ZFHX3: variants seen among roughly 807,000 people sequenced by gnomAD.
ZFHX3 encodes the protein zinc finger homeobox protein 3.
In ZFHX3, 42 loss-of-function variants were observed where a neutral mutation model predicts 279.1. That is an observed-to-expected ratio of 0.15 (90% CI 0.12 to 0.19). The LOEUF (loss-of-function observed/expected upper bound fraction) is 0.19. Among genes scored for constraint, ZFHX3 ranks in the 10% least tolerant of loss-of-function variants. The pLI is 1.00. For synonymous variants in ZFHX3, 2,293 were observed against 1,957.8 expected (o/e 1.17, Z -4.52); for missense variants, 4,981 against 4,754.0 (o/e 1.05, Z -1.40).
intron 4 of ZFHX3, among the ~76,000 whole-genome samples, chr16:73,279,462 C>A (rs981114882): frequency 6.6e-6 from 1 of 151,686 alleles, no homozygotes; most frequent in Non-Finnish European, 1.5e-5. Context: ...GGGAACATTG[C>A]ATTTTTTATA....
At chr16:73,547,571 C>T (rs1190839274) in intron 2 of ZFHX3, among the ~76,000 whole-genome samples, 1 of 152,010 alleles carries the variant, frequency 6.6e-6, no homozygotes, top group East Asian at 1.9e-4. Context: ...GGGGGTTTGT[C>T]AAGAGGGGAG....
At chr16:73,803,019 T>G in intron 1 of ZFHX3, among the ~76,000 whole-genome samples, 1 of 152,182 alleles carries the variant, frequency 6.6e-6, no homozygotes, top group East Asian at 1.9e-4. Context: ...CAGGCTGGTC[T>G]TGAACTCCTG....
At chr16:73,501,479 T>A (rs559859691) in intron 2 of ZFHX3, among the ~76,000 whole-genome samples, 1 of 152,342 alleles carries the variant, frequency 6.6e-6, no homozygotes, top group African/African-American at 2.4e-5. Flanking sequence ...TTTTAACCAG[T>A]AGCCTCCCTC....
At chr16:72,962,149 G>A (rs373874616) in intron 1 of ZFHX3, among the ~76,000 whole-genome samples, 13 of 152,310 alleles carry the variant, frequency 8.5e-5, no homozygotes, top group African/African-American at 2.9e-4. Flanking sequence ...ATGCGGGAAG[G>A]GGGGGCCACG....
chr16:72,842,199 CTTGT>C (rs2037359840), intron 4 of ZFHX3, among the ~76,000 whole-genome samples: 1 of 151,780 alleles, frequency 6.6e-6, no homozygotes, highest in Non-Finnish European at 1.5e-5. Context: ...AAGTGAGCAA[CTTGT>C]TTTTTTGTTT....
intron 1 of ZFHX3, among the ~76,000 whole-genome samples, chr16:73,889,284 T>C (rs1462230246): frequency 2.6e-5 from 4 of 152,214 alleles, no homozygotes; most frequent in East Asian, 3.9e-4. Context: ...AACTTTCCAC[T>C]GACTGTCTCG....
intron 4 of ZFHX3, among the ~76,000 whole-genome samples, chr16:72,865,345 C>A (rs1213091322): frequency 6.6e-6 from 1 of 152,172 alleles, no homozygotes; most frequent in Admixed American, 6.5e-5. Context: ...CCAGCAGAAC[C>A]CTCAATATAC....
chr16:73,462,042 T>C (rs76496363), intron 2 of ZFHX3, among the ~76,000 whole-genome samples: 2,009 of 152,332 alleles, frequency 0.013, 37 homozygotes, highest in African/African-American at 0.046. Context: ...ATTTATTTCA[T>C]CAGCACTTTG....
chr16:73,055,692 G>GCACACACACACACACA (rs1232763125), intron 1 of ZFHX3, among the ~76,000 whole-genome samples: 25 of 95,308 alleles, frequency 2.6e-4, no homozygotes, highest in African/African-American at 8.0e-4. Flanking sequence ...GCGCGCGCGC[G>GCACACACACACACACA]CGCGCGCACA....
chr16:72,965,633 A>ACAC (rs1961799803), intron 1 of ZFHX3, among the ~76,000 whole-genome samples: 1 of 152,234 alleles, frequency 6.6e-6, no homozygotes, highest in Non-Finnish European at 1.5e-5. Flanking sequence ...AAGAGAGACC[A>ACAC]CACACAAATA....
At chr16:73,340,766 A>T (rs889060465) in intron 3 of ZFHX3, among the ~76,000 whole-genome samples, 23 of 152,220 alleles carry the variant, frequency 1.5e-4, no homozygotes, top group Admixed American at 1.1e-3. Context: ...ACCACAAAAA[A>T]GACTGTCTTC....
intron 2 of ZFHX3, among the ~76,000 whole-genome samples, chr16:73,574,660 C>T (rs2051781322): frequency 6.6e-6 from 1 of 152,158 alleles, no homozygotes; most frequent in Non-Finnish European, 1.5e-5. Flanking sequence ...CCTGTCATCC[C>T]TCTGCATGGA....
intron 5 of ZFHX3, among the ~76,000 whole-genome samples, chr16:73,225,502 G>A (rs967503829): frequency 5.3e-5 from 8 of 152,164 alleles, no homozygotes; most frequent in African/African-American, 9.6e-5. Context: ...AAGTGGGAGC[G>A]TCATTTGAGC....
intron 3 of ZFHX3, among the ~76,000 whole-genome samples, chr16:73,409,572 G>A (rs1481209800): frequency 2.0e-5 from 3 of 152,142 alleles, no homozygotes; most frequent in Admixed American, 2.0e-4. Flanking sequence ...TCTTCAAAAC[G>A]CGAAAAATAG....
intron 2 of ZFHX3, among the ~76,000 whole-genome samples, chr16:73,643,175 G>A (rs1316061822): frequency 6.6e-6 from 1 of 152,172 alleles, no homozygotes; most frequent in Non-Finnish European, 1.5e-5. Flanking sequence ...CATTTGCACT[G>A]TAGCACACAC....
intron 4 of ZFHX3, among the ~76,000 whole-genome samples, chr16:72,834,943 A>C (rs1464449958): frequency 6.6e-6 from 1 of 152,178 alleles, no homozygotes; most frequent in South Asian, 2.1e-4. Flanking sequence ...CTCTGTTCCT[A>C]ACTCTTAACA....
chr16:73,866,380 T>C (rs1186105839), intron 1 of ZFHX3, among the ~76,000 whole-genome samples: 1 of 151,744 alleles, frequency 6.6e-6, no homozygotes, highest in South Asian at 2.1e-4. Context: ...GGTTTCACCA[T>C]GTTGCCCTGG....
chr16:73,005,153 A>T (rs993747789), intron 1 of ZFHX3, among the ~76,000 whole-genome samples: 12 of 152,206 alleles, frequency 7.9e-5, no homozygotes, highest in Admixed American at 7.2e-4. Flanking sequence ...TTAGTAATGT[A>T]TTAGTAGTAT....
intron 2 of ZFHX3, among the ~76,000 whole-genome samples, chr16:73,607,038 G>A (rs1379671720): frequency 6.6e-6 from 1 of 152,000 alleles, no homozygotes; most frequent in African/African-American, 2.4e-5. Flanking sequence ...ATCTCTCTCT[G>A]CTTTTTTTTG....
Sources: gnomAD v4.1 joint callset for allele counts (sites outside exome capture counted in the v4.1 genomes callset) on GRCh38, gnomAD v4.1.1 for gene constraint, MANE v1.5 for transcripts, NCBI Gene and HGNC (gene_info 2026-07-23, HGNC 2026-07-21) for gene names.